The following WDR48 variants were observed in gnomAD, a reference collection of about 807,000 sequenced individuals.
WDR48 encodes the protein WD repeat domain 48, also known as WD repeat-containing protein 48.
WDR48 carries 22 observed loss-of-function variants against 94.0 expected under a neutral mutation model. The ratio of observed to expected loss-of-function variants is 0.23; its 90% confidence interval spans 0.17 to 0.33. The LOEUF is 0.33. Among genes scored for constraint, WDR48 ranks in the 10% least tolerant of loss-of-function variants. The probability of loss-of-function intolerance (pLI) is 1.00; values close to 1 mark genes in which losing one functional copy is unlikely to be tolerated. For missense variants in WDR48, 541 were observed against 813.8 expected (o/e 0.66, Z 4.08); for synonymous variants, 278 against 280.5 (o/e 0.99, Z 0.09).
intron 16 of WDR48, 32 bp from the exon 17 acceptor site, chr3:39,091,593 C>T (rs4676581): frequency 4.0e-6 from 6 of 1,501,898 alleles, no homozygotes; most frequent in East Asian, 4.6e-5. Context: ...CTAATAGAAA[C>T]TGTTATACCT....
In WDR48 at chr3:39,094,583, A is replaced by G. The variant is rs753768969; in HGVS notation, c.1939-65A>G. ...CTGGATCACCTGATGAGAGTCCCTG[A>G]GTTAATGATAAGGTTTTAGATATTA... On this transcript the variant is annotated intron_variant, in intron 18 of 18. Coordinates refer to ENST00000302313, the MANE Select transcript of WDR48 (RefSeq NM_020839.4). 2.5e-6 allele frequency: 4 copies of G among 1,597,998 alleles called. No homozygotes were observed. The African/African-American group carries it at 5.4e-5, about 21-fold the overall frequency.
chr3:39,052,893 G>A (rs543779462), intron 1 of WDR48, among the ~76,000 whole-genome samples: 1 of 152,202 alleles, frequency 6.6e-6, no homozygotes, highest in East Asian at 1.9e-4. Flanking sequence ...GCTAGGGGAG[G>A]GATAGCATTA....
chr3:39,093,521 G>A (rs536785744), intron 17 of WDR48, among the ~76,000 whole-genome samples: 5 of 152,184 alleles, frequency 3.3e-5, no homozygotes, highest in African/African-American at 7.2e-5. Context: ...TAGTAGAGAC[G>A]GGATTTCACC....
chr3:39,075,696 A>ATT (rs1332705894), intron 8 of WDR48, among the ~76,000 whole-genome samples: 2 of 144,778 alleles, frequency 1.4e-5, no homozygotes, highest in Non-Finnish European at 1.5e-5. Context: ...AGTTTCCAAA[A>ATT]TTTTTTTTTT....
Position 39,094,812 on chromosome 3 carries a change from A to C in WDR48, c.*69A>C. On this transcript the variant is annotated 3_prime_UTR_variant, in exon 19 of 19. Coordinates refer to ENST00000302313, the MANE Select transcript of WDR48 (RefSeq NM_020839.4). ...TATGGCCCCAAGAGTAGTCCTAGGAAGCCCACTGATCCCCAACGGGAGCAA... is the reference window on the plus strand; with the variant it reads ...TATGGCCCCAAGAGTAGTCCTAGGACGCCCACTGATCCCCAACGGGAGCAA... The C allele has an allele frequency of 6.3e-7, 1 of 1,578,356 alleles. No individual in the cohort carries two copies. Among genetic ancestry groups the C allele is most frequent in the Non-Finnish European group, 8.6e-7 (1 of 1,162,398 alleles).
At chr3:39,061,303 T>C (rs1472198312) in intron 1 of WDR48, among the ~76,000 whole-genome samples, 5 of 136,622 alleles carry the variant, frequency 3.7e-5, no homozygotes, top group Non-Finnish European at 6.2e-5. Flanking sequence ...CCTGTGTCCA[T>C]GTGTTCTCAT....
At position 39,095,233 on chromosome 3, in the gene WDR48, G is replaced by GTT. The variant is rs2035285220; in HGVS notation, c.*492_*493dup. 1 of 155,374 alleles carries GTT rather than the reference G, an allele frequency of 6.4e-6. No homozygotes were observed. The highest frequency in any genetic ancestry group is 2.4e-5 in the African/African-American group (1 of 41,504). The allele number at this position is 155,374 out of a possible 1,614,324, so 9.6% of individuals were successfully genotyped here. On this transcript the variant is annotated 3_prime_UTR_variant, in exon 19 of 19. Transcript: ENST00000302313. ...ATAAAGTAATCAAATTGTTTTCACCGTTTAAGACAGTTATTTTTAATGGGA... is the reference window on the plus strand; with the variant it reads ...ATAAAGTAATCAAATTGTTTTCACCGTTTTTAAGACAGTTATTTTTAATGGGA...
chr3:39,052,391 C>G, intron 1 of WDR48: 1 of 315,560 alleles, frequency 3.2e-6, no homozygotes. Context: ...CTTGCCTCCC[C>G]CTTGCCCTGT....
intron 1 of WDR48, among the ~76,000 whole-genome samples, chr3:39,056,871 G>A (rs537587818): frequency 4.6e-5 from 7 of 152,306 alleles, no homozygotes; most frequent in Non-Finnish European, 7.3e-5. Context: ...ACCCAGAAAA[G>A]CAGTAAAGGA....
intron 1 of WDR48, among the ~76,000 whole-genome samples, chr3:39,058,234 A>G (rs1265727409): frequency 6.6e-6 from 1 of 152,196 alleles, no homozygotes; most frequent in Non-Finnish European, 1.5e-5. Flanking sequence ...AAGCACAGAG[A>G]TTACAGGCAT....
Position 39,077,881 on chromosome 3 carries a change from A to C in WDR48, c.973-256A>C, listed in dbSNP as rs1006630354. On this transcript the variant is annotated intron_variant, in intron 9 of 18. Transcript: ENST00000302313. ...AATTTCATCATGCCAACTTATGACC[A>C]ATACAATTTTACCTGGAAGAGCACT... The C allele has an allele frequency of 8.2e-5, 29 of 351,834 alleles. 1 individual carries two copies. The highest frequency in any genetic ancestry group is 1.6e-5 in the Non-Finnish European group (3 of 192,806). The allele number at this position is 351,834 out of a possible 1,614,324, so 21.8% of individuals were successfully genotyped here.
Position 39,089,257 on chromosome 3 carries a change from A to G in WDR48, c.1607A>G (p.Glu536Gly). 1 of 1,613,572 alleles carries G rather than the reference A, an allele frequency of 6.2e-7. No homozygotes were observed. Among genetic ancestry groups the G allele is most frequent in the Non-Finnish European group, 8.5e-7 (1 of 1,179,764 alleles). ...CTGCTCTGCCGAGATTCCGGGGGTG[A>G]GACTGAGTCTATGCTTCTTAATGAA... ...FRLLCRDSGG[E>G]TESMLLNETV... The change falls in exon 16 of 19, where the codon GAG becomes GGG. Residue 536 changes from glutamate (E) to glycine (G), a missense_variant. By Grantham distance (98) the Glu-to-Gly change is moderately conservative (BLOSUM62 -2). Transcript: ENST00000302313.
intron 1 of WDR48, among the ~76,000 whole-genome samples, chr3:39,061,518 G>A (rs2033264441): frequency 6.6e-6 from 1 of 152,128 alleles, no homozygotes. Flanking sequence ...ATTTGGGTTG[G>A]TTCCAAGTCT....
intron 10 of WDR48, among the ~76,000 whole-genome samples, chr3:39,078,711 G>A (rs928598263): frequency 7.0e-6 from 1 of 142,582 alleles, no homozygotes. Flanking sequence ...GAGCCACCAC[G>A]CCCAGCCAGA....
At chr3:39,062,983 A>G in intron 1 of WDR48, 67 bp from the exon 2 acceptor site, 2 of 1,575,014 alleles carry the variant, frequency 1.3e-6, no homozygotes, top group Non-Finnish European at 1.7e-6. Flanking sequence ...ATTGGCCACT[A>G]GTAGACTATA....
Position 39,094,724 on chromosome 3 carries a change from A to T in WDR48, c.2015A>T (p.Tyr672Phe), listed in dbSNP as rs761757022. 1 of 1,614,000 alleles carries T rather than the reference A, an allele frequency of 6.2e-7. No individual in the cohort carries two copies. The highest frequency in any genetic ancestry group is 1.3e-5 in the African/African-American group (1 of 74,910). ...AGCGGTGGAGACCTCACCCTCCATTACCGTCAGAAGTCCACGTGAAGGCTG... is the reference window on the plus strand; with the variant it reads ...AGCGGTGGAGACCTCACCCTCCATTTCCGTCAGAAGTCCACGTGAAGGCTG... ...WKSGGDLTLH[Y>F]RQKST Residue 672 changes from tyrosine (Y) to phenylalanine (F), a missense_variant, in exon 19 of 19, where the codon TAC becomes TTC. Transcript: ENST00000302313.
intron 1 of WDR48, among the ~76,000 whole-genome samples, chr3:39,055,391 A>G (rs933395507): frequency 1.1e-4 from 16 of 152,220 alleles, no homozygotes; most frequent in Non-Finnish European, 1.0e-4. Context: ...AGGCTGAGAC[A>G]GGGGAATCGC....
intron 2 of WDR48, among the ~76,000 whole-genome samples, chr3:39,064,133 G>A (rs991481570): frequency 2.6e-5 from 4 of 152,108 alleles, no homozygotes; most frequent in Non-Finnish European, 4.4e-5. Context: ...GTGAATGACA[G>A]AGAAAAGAAG....
chr3:39,071,273 C>T (rs1382607100), intron 7 of WDR48, among the ~76,000 whole-genome samples: 1 of 152,154 alleles, frequency 6.6e-6, no homozygotes, highest in Non-Finnish European at 1.5e-5. Flanking sequence ...ATTTTCTTAA[C>T]TGTAAGCCAG....
Sources: allele counts gnomAD v4.1 joint callset (sites outside exome capture counted in the v4.1 genomes callset), GRCh38; gene constraint gnomAD v4.1.1; transcripts MANE v1.5; gene names NCBI Gene and HGNC (gene_info 2026-07-23, HGNC 2026-07-21).